The following LRRC3B variants were observed in gnomAD, a reference collection of about 807,000 sequenced individuals.
The protein encoded by LRRC3B is leucine rich repeat containing 3B.
LRRC3B carries 2 observed loss-of-function variants against 12.8 expected under a neutral mutation model. The observed-to-expected ratio is 0.16, with a 90% confidence interval of 0.06 to 0.49. The LOEUF (loss-of-function observed/expected upper bound fraction) is 0.49, where lower values mean the gene tolerates loss of function less well. Ranked by LOEUF, LRRC3B falls within the 20% of genes least tolerant of loss-of-function variation. The pLI, the probability that LRRC3B is intolerant of heterozygous loss-of-function variation, is 0.96. For synonymous variants in LRRC3B, 132 were observed against 122.0 expected (o/e 1.08, Z -0.54); for missense variants, 189 against 319.4 (o/e 0.59, Z 3.11).
rs923429207 is a variant in LRRC3B, at chr3:26,635,390, A to G, written c.-161+12153A>G. ...CCCCAATGTGATGGTATTTGGAGAT[A>G]GGGCCTTTGGGAAGTAATTAGATCT... On this transcript the variant is annotated intron_variant, in intron 1 of 1. Transcript: ENST00000396641. Among the ~76,000 whole-genome samples, 149 of 152,222 alleles carry G rather than the reference A, an allele frequency of 9.8e-4. 2 individuals carry two copies. Among genetic ancestry groups the G allele is most frequent in the Admixed American group, 9.6e-3 (147 of 15,284 alleles).
chr3:26,700,471 T>C (rs1700426345), intron 1 of LRRC3B, among the ~76,000 whole-genome samples: 1 of 152,206 alleles, frequency 6.6e-6, no homozygotes, highest in African/African-American at 2.4e-5. Flanking sequence ...GTCTCCATTT[T>C]ATGAGTTCCT....
Position 26,666,321 on chromosome 3 carries a change from A to G in LRRC3B, c.-161+43084A>G, listed in dbSNP as rs1575141290. 1.3e-5 allele frequency among the ~76,000 whole-genome samples: 2 copies of G among 152,264 alleles called. 1 individual carries two copies. Among genetic ancestry groups the G allele is most frequent in the South Asian group, 4.1e-4 (2 of 4,834 alleles). On this transcript the variant is annotated intron_variant, in intron 1 of 1. Transcript: ENST00000396641. ...TACATGGCTGCCTTCAAATTTATGA[A>G]AGTTTATTATAAGACAATTATTTTT...
intron 1 of LRRC3B, among the ~76,000 whole-genome samples, chr3:26,658,275 G>A (rs1699417985): frequency 6.6e-6 from 1 of 152,196 alleles, no homozygotes; most frequent in South Asian, 2.1e-4. Context: ...AGCCAGAATG[G>A]TCTCTATCTC....
Position 26,671,413 on chromosome 3 carries a change from G to GAGAGAGAC in LRRC3B, c.-160-38099_-160-38098insGAGAGACA, listed in dbSNP as rs9331540. 7.4e-3 allele frequency among the ~76,000 whole-genome samples: 733 copies of GAGAGAGAC among 99,192 alleles called. 69 individuals carry two copies. The highest frequency in any genetic ancestry group is 0.013 in the Admixed American group (111 of 8,290). The allele number at this position is 99,192 out of a possible 152,430, so 65.1% of individuals were successfully genotyped here. A position where few individuals can be genotyped will look rare whatever the true frequency, so the allele number is the denominator to read the frequency against. On this transcript the variant is annotated intron_variant, in intron 1 of 1. Transcript: ENST00000396641. ...AGAGAGAGAGAGAGAGAGAGAGAGA[G>GAGAGAGAC]ACGAAGTCTTGCTCTGTCGCCAGGC... is the stretch of plus-strand genomic sequence containing the variant.
Position 26,709,522 on chromosome 3 carries a change from CA to C in LRRC3B, c.-149del. 1 of 745,144 alleles carries C rather than the reference CA, an allele frequency of 1.3e-6. No homozygotes were observed. The highest frequency in any genetic ancestry group is 2.2e-6 in the Non-Finnish European group (1 of 450,834). The allele number at this position is 745,144 out of a possible 1,614,324, so 46.2% of individuals were successfully genotyped here. A position where few individuals can be genotyped will look rare whatever the true frequency, so the allele number is the denominator to read the frequency against. On this transcript the variant is annotated 5_prime_UTR_variant, in exon 2 of 2. It introduces an in-frame stop codon into an upstream open reading frame of the 5' UTR. Transcript: ENST00000396641. ...TTTCTCTTTCCTTTAGGTGCCCAAG[CA>C]AGGAAAGAAATAATGAAGAGACACA... is the stretch of plus-strand genomic sequence containing the variant.
intron 1 of LRRC3B, among the ~76,000 whole-genome samples, chr3:26,707,199 GAA>G (rs34703302): frequency 0.29 from 37,617 of 129,892 alleles, 5,333 homozygotes; most frequent in Middle Eastern, 0.41. Context: ...TAAAAATACA[GAA>G]AAAAAAAAAA....
At chr3:26,710,077 C>T in exon 2 of LRRC3B, 1 of 1,614,108 alleles carries the variant, frequency 6.2e-7, no homozygotes. Flanking sequence ...CCTTCAATAA[C>T]CTGAAGGCCA....
At chr3:26,630,291 A>T (rs1341349611) in intron 1 of LRRC3B, among the ~76,000 whole-genome samples, 1 of 152,194 alleles carries the variant, frequency 6.6e-6, no homozygotes, top group Non-Finnish European at 1.5e-5. Flanking sequence ...TCTCCAGGCC[A>T]AGGTCTTCTA....
At chr3:26,643,848 C>G (rs181651969) in intron 1 of LRRC3B, among the ~76,000 whole-genome samples, 1 of 152,114 alleles carries the variant, frequency 6.6e-6, no homozygotes, top group Non-Finnish European at 1.5e-5. Flanking sequence ...CCAGTTTGGC[C>G]GGGCAACCTT....
At chr3:26,709,661 T>C (rs113962521) in exon 2 of LRRC3B, 3 of 1,610,664 alleles carry the variant, frequency 1.9e-6, no homozygotes, top group Non-Finnish European at 2.5e-6. Flanking sequence ...GTGATTATGC[T>C]GACATTCCAG....
chr3:26,650,268 G>A (rs559915966), intron 1 of LRRC3B, among the ~76,000 whole-genome samples: 83 of 152,262 alleles, frequency 5.5e-4, no homozygotes, highest in Non-Finnish European at 9.6e-4. Flanking sequence ...CATCAGGGCC[G>A]TATGGCTCCC....
intron 1 of LRRC3B, among the ~76,000 whole-genome samples, chr3:26,640,944 C>T (rs1455291093): frequency 6.6e-6 from 1 of 152,172 alleles, no homozygotes; most frequent in Non-Finnish European, 1.5e-5. Flanking sequence ...AACAGGGAAG[C>T]AGAGTCCTTA....
chr3:26,656,399 G>A (rs1699373595), intron 1 of LRRC3B, among the ~76,000 whole-genome samples: 1 of 152,176 alleles, frequency 6.6e-6, no homozygotes, highest in African/African-American at 2.4e-5. Flanking sequence ...CATTCAGGGA[G>A]CTAAGTTGAC....
chr3:26,650,026 T>C (rs1699233721), intron 1 of LRRC3B, among the ~76,000 whole-genome samples: 2 of 152,196 alleles, frequency 1.3e-5, no homozygotes, highest in African/African-American at 4.8e-5. Context: ...TGAAAATAAT[T>C]CCTCTTTTTA....
chr3:26,637,446 T>A (rs930618891), intron 1 of LRRC3B, among the ~76,000 whole-genome samples: 2 of 152,170 alleles, frequency 1.3e-5, no homozygotes, highest in African/African-American at 2.4e-5. Flanking sequence ...TTTTATAAAG[T>A]CATGTTCTTT....
At chr3:26,701,472 G>C (rs900111034) in intron 1 of LRRC3B, among the ~76,000 whole-genome samples, 1 of 152,046 alleles carries the variant, frequency 6.6e-6, no homozygotes, top group Non-Finnish European at 1.5e-5. Context: ...CTACAGTTTT[G>C]TGTTGCTGGA....
At chr3:26,676,690 A>C (rs1171073635) in intron 1 of LRRC3B, among the ~76,000 whole-genome samples, 2 of 152,204 alleles carry the variant, frequency 1.3e-5, no homozygotes, top group African/African-American at 4.8e-5. Context: ...GCGATTCCTC[A>C]GGGATCTAGA....
intron 1 of LRRC3B, among the ~76,000 whole-genome samples, chr3:26,708,200 CTCT>C (rs1700651230): frequency 6.6e-6 from 1 of 152,160 alleles, no homozygotes; most frequent in Non-Finnish European, 1.5e-5. Flanking sequence ...GGACTGAATG[CTCT>C]TCTTGTTTCT....
At chr3:26,702,800 G>A (rs1015668432) in intron 1 of LRRC3B, among the ~76,000 whole-genome samples, 1 of 152,128 alleles carries the variant, frequency 6.6e-6, no homozygotes, top group African/African-American at 2.4e-5. Context: ...AAGAGGCCAT[G>A]AGAATGCAAA....
Sources: gnomAD v4.1 joint callset for allele counts (sites outside exome capture counted in the v4.1 genomes callset) on GRCh38, gnomAD v4.1.1 for gene constraint, MANE v1.5 for transcripts, NCBI Gene and HGNC (gene_info 2026-07-23, HGNC 2026-07-21) for gene names.